The following PSD3 variants were observed in gnomAD, a reference collection of about 807,000 sequenced individuals.
The protein encoded by PSD3 is pleckstrin and Sec7 domain containing 3, also known as PH and SEC7 domain-containing protein 3.
PSD3 carries 49 observed loss-of-function variants against 105.5 expected under a neutral mutation model. That is an observed-to-expected ratio of 0.46 (90% CI 0.37 to 0.59). The LOEUF (loss-of-function observed/expected upper bound fraction) is 0.59. Among genes scored for constraint, PSD3 ranks in the 20% least tolerant of loss-of-function variants. The pLI is 0.00. For missense variants in PSD3, 1,561 were observed against 1,263.8 expected (o/e 1.24, Z -3.57); for synonymous variants, 557 against 457.8 (o/e 1.22, Z -2.77).
At chr8:18,733,248 T>A (rs1803901695) in intron 9 of PSD3, 1 of 152,174 alleles carries the variant, frequency 6.6e-6, no homozygotes, top group Admixed American at 6.5e-5. Context: ...GAAAATCTCT[T>A]TTTTTAAAAA....
At chr8:19,039,546 T>C (rs930620062) in intron 1 of PSD3, among the ~76,000 whole-genome samples, 3 of 152,202 alleles carry the variant, frequency 2.0e-5, no homozygotes, top group Non-Finnish European at 4.4e-5. Flanking sequence ...ATGCTTGCTA[T>C]ATGACCTAGA....
chr8:18,696,292 G>C (rs1801256925), intron 9 of PSD3, among the ~76,000 whole-genome samples: 1 of 152,162 alleles, frequency 6.6e-6, no homozygotes, highest in Admixed American at 6.5e-5. Flanking sequence ...TTTCATACAG[G>C]CCGGAAACTT....
At chr8:18,587,112 C>T (rs752196164) in intron 12 of PSD3, among the ~76,000 whole-genome samples, 1 of 152,112 alleles carries the variant, frequency 6.6e-6, no homozygotes, top group Admixed American at 6.6e-5. Context: ...GAAGGAGAGA[C>T]ATTTCTGCTA....
chr8:18,833,218 CA>C (rs1813819669), intron 4 of PSD3, among the ~76,000 whole-genome samples: 1 of 152,178 alleles, frequency 6.6e-6, no homozygotes, highest in Non-Finnish European at 1.5e-5. Context: ...GATAACAAGA[CA>C]TATTTTAAAA....
At chr8:18,791,002 GA>G (rs1170128376) in intron 8 of PSD3, among the ~76,000 whole-genome samples, 2 of 152,044 alleles carry the variant, frequency 1.3e-5, no homozygotes, top group Non-Finnish European at 2.9e-5. Context: ...ACATACCTAG[GA>G]ATACAGCTAA....
At chr8:19,067,691 C>T (rs1829123237) in intron 1 of PSD3, among the ~76,000 whole-genome samples, 1 of 152,096 alleles carries the variant, frequency 6.6e-6, no homozygotes, top group Non-Finnish European at 1.5e-5. Flanking sequence ...TTATGAACTG[C>T]AGGGAGCCAC....
intron 1 of PSD3, among the ~76,000 whole-genome samples, chr8:19,008,876 T>G (rs1332634012): frequency 6.6e-6 from 1 of 152,200 alleles, no homozygotes; most frequent in Non-Finnish European, 1.5e-5. Flanking sequence ...CAAGCTCCTT[T>G]TCTTAACAAT....
intron 2 of PSD3, among the ~76,000 whole-genome samples, chr8:18,880,741 A>G (rs1014592180): frequency 3.3e-5 from 5 of 152,336 alleles, no homozygotes; most frequent in Admixed American, 3.3e-4. Context: ...TACTAATGTA[A>G]GAATCCACTG....
At chr8:18,666,249 C>T (rs1799446286) in intron 9 of PSD3, among the ~76,000 whole-genome samples, 1 of 152,186 alleles carries the variant, frequency 6.6e-6, no homozygotes, top group Admixed American at 6.5e-5. Flanking sequence ...CAGGGTTTCG[C>T]CATGTTGGCC....
At chr8:19,007,450 CACATGTAGCT>C (rs1826740180) in intron 1 of PSD3, among the ~76,000 whole-genome samples, 1 of 151,552 alleles carries the variant, frequency 6.6e-6, no homozygotes, top group African/African-American at 2.4e-5. Context: ...GCTTAGCAGC[CACATGTAGCT>C]ACTGACTATC....
At chr8:18,772,599 C>T (rs183112028) in intron 8 of PSD3, among the ~76,000 whole-genome samples, 1 of 152,258 alleles carries the variant, frequency 6.6e-6, no homozygotes, top group East Asian at 1.9e-4. Context: ...ACCTCCGCCT[C>T]CCAAGTTCAA....
rs781368875 is a variant in PSD3, at chr8:18,529,896, C to T, written c.*5847G>A. Reference sequence around the variant, plus strand: ...CAAAACTAAGACCCTGCCAATCATTCACAGAGCCAGTCCACTGCACGTCAA... The same window carrying T: ...CAAAACTAAGACCCTGCCAATCATTTACAGAGCCAGTCCACTGCACGTCAA... On this transcript the variant is annotated 3_prime_UTR_variant, in exon 16 of 16. Coordinates refer to ENST00000327040, the MANE Select transcript of PSD3 (RefSeq NM_015310.4). 5.9e-5 allele frequency: 9 copies of T among 152,364 alleles called. No individual in the cohort carries two copies. The highest frequency in any genetic ancestry group is 8.8e-5 in the Non-Finnish European group (6 of 68,042). 9.4% of individuals were successfully genotyped at this position (152,364 alleles called of 1,614,324 possible). A position where few individuals can be genotyped will look rare whatever the true frequency, so the allele number is the denominator to read the frequency against.
At chr8:18,556,127 C>T in intron 15 of PSD3, 82 bp downstream of exon 15, 2 of 1,494,114 alleles carry the variant, frequency 1.3e-6, no homozygotes, top group Non-Finnish European at 1.8e-6. Context: ...CTCAGTGACA[C>T]TGCAAAGAAA....
chr8:18,800,199 G>C (rs925247346), intron 7 of PSD3, among the ~76,000 whole-genome samples: 2 of 152,112 alleles, frequency 1.3e-5, no homozygotes, highest in African/African-American at 2.4e-5. Context: ...TTTTATCCAA[G>C]AATGTAAACA....
At chr8:18,831,844 T>C (rs551496150) in intron 4 of PSD3, among the ~76,000 whole-genome samples, 26 of 152,268 alleles carry the variant, frequency 1.7e-4, no homozygotes, top group African/African-American at 6.3e-4. Flanking sequence ...GGTCTTGCTA[T>C]TCATATTCAG....
At chr8:18,814,782 G>A (rs1250054131) in intron 4 of PSD3, among the ~76,000 whole-genome samples, 2 of 152,160 alleles carry the variant, frequency 1.3e-5, no homozygotes, top group African/African-American at 4.8e-5. Context: ...CTTACAGTCT[G>A]ACCAACTCAT....
chr8:19,074,969 G>A (rs1448239412), intron 1 of PSD3, among the ~76,000 whole-genome samples: 2 of 147,640 alleles, frequency 1.4e-5, no homozygotes, highest in Non-Finnish European at 3.0e-5. Context: ...TTTTTGAGAT[G>A]GAGTCTTGCC....
chr8:18,671,548 C>T (rs1799782725), intron 9 of PSD3, among the ~76,000 whole-genome samples: 1 of 152,152 alleles, frequency 6.6e-6, no homozygotes, highest in Non-Finnish European at 1.5e-5. Flanking sequence ...AGGTATTCCA[C>T]AGCAGATTTA....
At chr8:18,601,359 AG>A (rs34494759) in intron 11 of PSD3, among the ~76,000 whole-genome samples, 25,919 of 152,240 alleles carry the variant, frequency 0.17, 2,660 homozygotes, top group Non-Finnish European at 0.23. Flanking sequence ...TGAAATAGAC[AG>A]GGAGAGCCAT....
Sources: gnomAD v4.1 joint callset for allele counts (sites outside exome capture counted in the v4.1 genomes callset) on GRCh38, gnomAD v4.1.1 for gene constraint, MANE v1.5 for transcripts, NCBI Gene and HGNC (gene_info 2026-07-23, HGNC 2026-07-21) for gene names.